Variants in TAF1B observed in about 807,000 individuals in gnomAD.
TAF1B encodes the protein TATA box-binding protein-associated factor RNA polymerase I subunit B.
A neutral mutation model predicts 83.9 loss-of-function variants in TAF1B; 61 were observed. That is an observed-to-expected ratio of 0.73 (90% confidence interval 0.59 to 0.90). TAF1B has a LOEUF of 0.90. TAF1B is among the 40% of genes least tolerant of loss of function. The probability of loss-of-function intolerance (pLI) is 0.00; values close to 1 mark genes in which losing one functional copy is unlikely to be tolerated. For synonymous variants in TAF1B, 221 were observed against 224.6 expected, an observed-to-expected ratio of 0.98 and a Z score of 0.14; for missense variants, 625 against 677.0, an observed-to-expected ratio of 0.92 and a Z score of 0.85.
intron 5 of TAF1B, among the ~76,000 whole-genome samples, chr2:9,865,681 AACTAT>A (rs1476187017): frequency 2.6e-5 from 4 of 152,076 alleles, no homozygotes; most frequent in Admixed American, 6.5e-5. Context: ...CCTGACTTCA[AACTAT>A]ACTACAAGGC....
chr2:9,926,804 C>CAA (rs71391175), intron 14 of TAF1B, among the ~76,000 whole-genome samples: 27,970 of 104,436 alleles, frequency 0.27, 4,296 homozygotes, highest in South Asian at 0.36. Flanking sequence ...GACTCTGTCT[C>CAA]AAAAAAAAAA....
At chr2:9,879,214 A>G (rs1664417674) in intron 7 of TAF1B, among the ~76,000 whole-genome samples, 1 of 152,240 alleles carries the variant, frequency 6.6e-6, no homozygotes, top group Non-Finnish European at 1.5e-5. Context: ...AATAAAATAG[A>G]ATAATTATTA....
intron 8 of TAF1B, among the ~76,000 whole-genome samples, chr2:9,896,898 A>C (rs1245311542): frequency 1.3e-5 from 2 of 152,230 alleles, no homozygotes; most frequent in African/African-American, 4.8e-5. Flanking sequence ...AGGTGTGCAA[A>C]TTAAATTTTA....
intron 14 of TAF1B, among the ~76,000 whole-genome samples, chr2:9,920,872 T>G (rs1159133939): frequency 6.6e-6 from 1 of 152,186 alleles, no homozygotes; most frequent in Non-Finnish European, 1.5e-5. Flanking sequence ...GATGGGAAGC[T>G]GCACTGAGGA....
chr2:9,883,838 G>T (rs1246292518), intron 8 of TAF1B, among the ~76,000 whole-genome samples: 1 of 152,232 alleles, frequency 6.6e-6, no homozygotes, highest in East Asian at 1.9e-4. Context: ...AATTCTCTTT[G>T]TAGTTATGCT....
chr2:9,878,116 A>C (rs886723232), intron 7 of TAF1B, among the ~76,000 whole-genome samples: 1 of 152,152 alleles, frequency 6.6e-6, no homozygotes, highest in Admixed American at 6.5e-5. Context: ...AACTGGTTCG[A>C]AATGTGAATT....
chr2:9,848,231 G>A (rs969408596), intron 2 of TAF1B, among the ~76,000 whole-genome samples: 58 of 152,156 alleles, frequency 3.8e-4, no homozygotes, highest in Admixed American at 5.9e-4. Context: ...GAGAGACTAC[G>A]TTCCAAAAAT....
At chr2:9,852,095 G>C (rs1444429714) in intron 4 of TAF1B, 1 of 464,286 alleles carries the variant, frequency 2.2e-6, no homozygotes, top group African/African-American at 2.0e-5. Flanking sequence ...TCGTTCACCT[G>C]AGTGCATCAG....
chr2:9,898,374 A>G (rs368192616), intron 8 of TAF1B, among the ~76,000 whole-genome samples: 42 of 152,154 alleles, frequency 2.8e-4, no homozygotes, highest in Admixed American at 2.6e-4. Context: ...CCTTATCTCT[A>G]TGTCTGTCTT....
intron 14 of TAF1B, among the ~76,000 whole-genome samples, chr2:9,920,240 T>C (rs73163641): frequency 0.011 from 1,653 of 152,336 alleles, 43 homozygotes; most frequent in African/African-American, 0.037. Context: ...GGAAACTTAA[T>C]ACTGATACGA....
At chr2:9,926,700 A>G (rs1381028543) in intron 14 of TAF1B, among the ~76,000 whole-genome samples, 4 of 150,946 alleles carry the variant, frequency 2.6e-5, no homozygotes, top group African/African-American at 9.7e-5. Flanking sequence ...TTAGCCGGGC[A>G]TGGTGGTGCA....
At chr2:9,892,542 CT>C (rs1416431823) in intron 8 of TAF1B, among the ~76,000 whole-genome samples, 2 of 152,190 alleles carry the variant, frequency 1.3e-5, no homozygotes, top group African/African-American at 4.8e-5. Context: ...CAGTATTTGT[CT>C]TTCTGTGCCT....
At chr2:9,862,178 G>C (rs1415134368) in intron 5 of TAF1B, among the ~76,000 whole-genome samples, 1 of 152,022 alleles carries the variant, frequency 6.6e-6, no homozygotes, top group African/African-American at 2.4e-5. Flanking sequence ...CAATGGCAAA[G>C]AAGATTAAAA....
chr2:9,877,246 T>C (rs537646764), intron 7 of TAF1B, among the ~76,000 whole-genome samples: 2 of 152,342 alleles, frequency 1.3e-5, no homozygotes, highest in Admixed American at 1.3e-4. Flanking sequence ...TAGATTCATA[T>C]ATACAGCTGT....
intron 6 of TAF1B, among the ~76,000 whole-genome samples, chr2:9,874,748 G>A (rs1010092680): frequency 6.6e-6 from 1 of 152,150 alleles, no homozygotes; most frequent in Non-Finnish European, 1.5e-5. Flanking sequence ...AATGTCATAT[G>A]GTAGAGGATA....
rs140751632 is a variant in TAF1B at position 9,849,573 on chromosome 2, A to G, written c.205+113A>G. On this transcript the variant is annotated intron_variant, in intron 3 of 14. Coordinates refer to ENST00000263663, the MANE Select transcript of TAF1B (RefSeq NM_005680.3). ...GGTTCTAGAGAAAATGCCAGATTTT[A>G]TCTACTGGCATACGTTCTTCTATCC... 4.6e-6 allele frequency: 3 copies of G among 655,536 alleles called. No individual in the cohort carries two copies. The East Asian group carries it at 9.0e-5, about 20-fold the overall frequency. The allele number at this position is 655,536 out of a possible 1,614,324, so 40.6% of individuals were successfully genotyped here.
At chr2:9,896,596 A>C (rs1479066332) in intron 8 of TAF1B, among the ~76,000 whole-genome samples, 1 of 148,230 alleles carries the variant, frequency 6.7e-6, no homozygotes, top group African/African-American at 2.5e-5. Context: ...GTTATTCCAG[A>C]AAGTTGAGAG....
intron 8 of TAF1B, among the ~76,000 whole-genome samples, chr2:9,892,384 T>C (rs1304643060): frequency 6.6e-6 from 1 of 152,228 alleles, no homozygotes; most frequent in Non-Finnish European, 1.5e-5. Flanking sequence ...TATACATTAT[T>C]ATTGACTGTA....
intron 6 of TAF1B, among the ~76,000 whole-genome samples, chr2:9,871,360 G>A (rs1664163558): frequency 6.6e-6 from 1 of 152,138 alleles, no homozygotes; most frequent in African/African-American, 2.4e-5. Context: ...GGGATTGTAG[G>A]CGTAAGCTAC....
Sources: allele counts gnomAD v4.1 joint callset (sites outside exome capture counted in the v4.1 genomes callset), GRCh38; gene constraint gnomAD v4.1.1; transcripts MANE v1.5; gene names NCBI Gene and HGNC (gene_info 2026-07-23, HGNC 2026-07-21).